Variants in CADM2 observed in about 807,000 individuals in gnomAD.
CADM2 encodes immunoglobulin superfamily member 4D.
CADM2 carries 12 observed loss-of-function variants against 49.8 expected under a neutral mutation model. The ratio of observed to expected loss-of-function variants is 0.24; its 90% CI spans 0.15 to 0.39. The LOEUF is 0.39. CADM2 is among the 10% of genes least tolerant of loss of function. CADM2 has a pLI of 1.00. For missense variants in CADM2, 378 were observed against 492.3 expected (o/e 0.77, Z 2.20); for synonymous variants, 214 against 175.4 (o/e 1.22, Z -1.74).
intron 1 of CADM2, among the ~76,000 whole-genome samples, chr3:85,531,992 A>T (rs140323454): frequency 0.016 from 2,366 of 152,260 alleles, 21 homozygotes; most frequent in South Asian, 0.034. Context: ...CCTGGCAAAC[A>T]CGGTGAAACC....
intron 1 of CADM2, among the ~76,000 whole-genome samples, chr3:85,450,861 A>G (rs1295854483): frequency 2.0e-5 from 3 of 152,226 alleles, no homozygotes; most frequent in East Asian, 3.9e-4. Flanking sequence ...TTCAAATTTA[A>G]ACAGATCTAG....
chr3:85,210,914 G>A (rs1182627511), intron 1 of CADM2, among the ~76,000 whole-genome samples: 1 of 152,078 alleles, frequency 6.6e-6, no homozygotes, highest in Non-Finnish European at 1.5e-5. Flanking sequence ...ATCAGGGTCT[G>A]GGCTTTTTTG....
chr3:85,216,058 T>G (rs1265072604), intron 1 of CADM2, among the ~76,000 whole-genome samples: 1 of 152,010 alleles, frequency 6.6e-6, no homozygotes, highest in Non-Finnish European at 1.5e-5. Context: ...TTCACCTGAT[T>G]TTTGGCTATT....
At chr3:85,488,075 A>G (rs2039504443) in intron 1 of CADM2, among the ~76,000 whole-genome samples, 1 of 152,176 alleles carries the variant, frequency 6.6e-6, no homozygotes, top group Non-Finnish European at 1.5e-5. Flanking sequence ...ACAAGTAAGG[A>G]TATAATTTAG....
At chr3:86,048,850 A>G (rs1384691584) in intron 8 of CADM2, among the ~76,000 whole-genome samples, 3 of 152,200 alleles carry the variant, frequency 2.0e-5, no homozygotes, top group African/African-American at 4.8e-5. Context: ...TCATTTTCAC[A>G]ATAAATTTTA....
intron 1 of CADM2, among the ~76,000 whole-genome samples, chr3:85,633,214 A>AT (rs576287073): frequency 2.6e-5 from 4 of 151,998 alleles, no homozygotes; most frequent in African/African-American, 9.7e-5. Flanking sequence ...CCATTACTTA[A>AT]TTTTTTGTGA....
chr3:85,961,570 C>A lies in CADM2; in HGVS notation c.893C>A (p.Thr298Lys). 6.2e-7 allele frequency: 1 copy of A among 1,610,368 alleles called. No individual in the cohort carries two copies. The highest frequency in any genetic ancestry group is 8.5e-7 in the Non-Finnish European group (1 of 1,177,490). Residue 298 changes from threonine (T) to lysine (K), a missense_variant, in exon 8 of 10, where the codon ACG becomes AAG. Physicochemically the swap from Thr to Lys is moderately conservative, Grantham distance 78 (BLOSUM62 -1). Transcript: ENST00000383699. ...RELNILFLNK[T>K]DNGTYRCEAT... The stretch of plus-strand genomic sequence containing the variant: ...CTAAACATTCTTTTCCTGAACAAAA[C>A]GGATAATGGTACATATCGATGTGAA...
chr3:85,373,911 T>C (rs1406541756), intron 1 of CADM2, among the ~76,000 whole-genome samples: 1 of 152,126 alleles, frequency 6.6e-6, no homozygotes, highest in Non-Finnish European at 1.5e-5. Context: ...ACCCATTTTT[T>C]TTCCTCCTAG....
At chr3:85,210,362 G>T (rs563671014) in intron 1 of CADM2, among the ~76,000 whole-genome samples, 7 of 152,156 alleles carry the variant, frequency 4.6e-5, no homozygotes, top group South Asian at 2.1e-4. Flanking sequence ...CTGGTTTGTT[G>T]AACACAATCA....
intron 1 of CADM2, among the ~76,000 whole-genome samples, chr3:85,522,993 GAAAAAAA>G (rs71108296): frequency 9.5e-5 from 10 of 105,478 alleles, no homozygotes; most frequent in Non-Finnish European, 1.4e-4. Flanking sequence ...ACTTTTCCAA[GAAAAAAA>G]AAAAAAAAAG....
At chr3:85,322,516 C>T (rs916652189) in intron 1 of CADM2, among the ~76,000 whole-genome samples, 3 of 152,104 alleles carry the variant, frequency 2.0e-5, no homozygotes, top group Non-Finnish European at 4.4e-5. Context: ...AAAGTATTTG[C>T]TCATAACACC....
chr3:85,399,253 C>T (rs1012822419), intron 1 of CADM2, among the ~76,000 whole-genome samples: 11 of 152,276 alleles, frequency 7.2e-5, no homozygotes, highest in Non-Finnish European at 1.3e-4. Context: ...GGAATCCTTT[C>T]CCCATTGCTT....
At chr3:85,448,086 C>T (rs1474462852) in intron 1 of CADM2, among the ~76,000 whole-genome samples, 1 of 152,068 alleles carries the variant, frequency 6.6e-6, no homozygotes, top group Non-Finnish European at 1.5e-5. Context: ...AATCCCAGCA[C>T]TTTGGAAGGG....
At chr3:85,141,676 A>G (rs2039582534) in intron 1 of CADM2, among the ~76,000 whole-genome samples, 1 of 152,190 alleles carries the variant, frequency 6.6e-6, no homozygotes, top group African/African-American at 2.4e-5. Context: ...TTATGAATAT[A>G]GATAGGATAT....
In CADM2 at chr3:85,408,010, C is replaced by CAAAAAAAAAAAAAAAAAAAAAA. The variant is rs372349246; in HGVS notation, c.62-318492_62-318491insAAAAAAAAAAAAAAAAAAAAAA. Among the ~76,000 whole-genome samples the CAAAAAAAAAAAAAAAAAAAAAA allele has an allele frequency of 2.2e-3, 123 of 56,128 alleles. 1 individual carries two copies. Among genetic ancestry groups the CAAAAAAAAAAAAAAAAAAAAAA allele is most frequent in the Non-Finnish European group, 3.1e-3 (95 of 31,020 alleles). The allele number at this position is 56,128 out of a possible 152,430, so 36.8% of individuals were successfully genotyped here. A position where few individuals can be genotyped will look rare whatever the true frequency, so the allele number is the denominator to read the frequency against. ...CTCTTTAAACAAAACAAAACAAAAC[C>CAAAAAAAAAAAAAAAAAAAAAA]AAAAAAAAAAAAAAAAAAAAGAAGA... On this transcript the variant is annotated intron_variant, in intron 1 of 9. Transcript: ENST00000383699.
chr3:85,871,379 A>C (rs1390352418), intron 3 of CADM2, among the ~76,000 whole-genome samples: 6 of 152,152 alleles, frequency 3.9e-5, no homozygotes, highest in African/African-American at 1.4e-4. Context: ...ATAAGATACC[A>C]TTCACAGTTT....
In CADM2 at chr3:85,347,869, A is replaced by G. The variant is rs542616167; in HGVS notation, c.62-378653A>G. 3.1e-4 allele frequency among the ~76,000 whole-genome samples: 47 copies of G among 150,450 alleles called. No homozygotes were observed. The East Asian group carries it at 3.7e-3, about 12-fold the overall frequency. The stretch of plus-strand genomic sequence containing the variant: ...GTCGCCCAGGCTGGAGTGCAGTGGC[A>G]CGATCTCCGCTCAGTGCAAGCTCCG... On this transcript the variant is annotated intron_variant, in intron 1 of 9. Transcript: ENST00000383699.
intron 3 of CADM2, among the ~76,000 whole-genome samples, chr3:85,810,634 G>C (rs1380864779): frequency 7.0e-6 from 1 of 142,970 alleles, no homozygotes; most frequent in Admixed American, 7.4e-5. Context: ...CTGCTTCCCA[G>C]GTTCAGGTGA....
rs549932793 is a variant in CADM2, at chr3:85,263,083, C to A, written c.61+303415C>A. On this transcript the variant is annotated intron_variant, in intron 1 of 9. Coordinates refer to ENST00000383699, the MANE Select transcript of CADM2 (RefSeq NM_001167675.2). ...TCTCAGGTCACTGCAACCTCTGCCT[C>A]CTGGGTTCAAGTAATTCTACTGCTT... 4.0e-3 allele frequency among the ~76,000 whole-genome samples: 601 copies of A among 152,106 alleles called. 4 individuals are homozygous for A. Among genetic ancestry groups the A allele is most frequent in the South Asian group, 0.013 (63 of 4,822 alleles).
Sources: allele counts gnomAD v4.1 joint callset (sites outside exome capture counted in the v4.1 genomes callset), GRCh38; gene constraint gnomAD v4.1.1; transcripts MANE v1.5; gene names NCBI Gene and HGNC (gene_info 2026-07-23, HGNC 2026-07-21).